Variants in ZFYVE16 observed in about 807,000 individuals in gnomAD.
ZFYVE16 encodes the protein zinc finger FYVE-type containing 16.
Under a neutral mutation model 138.1 loss-of-function variants are expected in ZFYVE16, and 89 were observed. The observed-to-expected ratio is 0.64, with a 90% confidence interval of 0.54 to 0.77. The LOEUF is 0.77. ZFYVE16 is among the 30% of genes least tolerant of loss of function. ZFYVE16 has a pLI of 0.00. For missense variants in ZFYVE16, 1,793 were observed against 1,786.7 expected (o/e 1.00, Z -0.06); for synonymous variants, 596 against 618.3 (o/e 0.96, Z 0.53).
rs1439253941 is a variant in ZFYVE16 at position 80,481,295 on chromosome 5, A to G, written c.*3918A>G. Among the ~76,000 whole-genome samples, 1 of 152,240 alleles carries G rather than the reference A, an allele frequency of 6.6e-6. No individual in the cohort carries two copies. The highest frequency in any genetic ancestry group is 6.5e-5 in the Admixed American group (1 of 15,286). Reference sequence around the variant, plus strand: ...AGCCAAAAACCAAGAATGGGGTTCTAGAAACCAGAGTATAGGTAAGATCAC... The same window carrying G: ...AGCCAAAAACCAAGAATGGGGTTCTGGAAACCAGAGTATAGGTAAGATCAC... On this transcript the variant is annotated 3_prime_UTR_variant, in exon 19 of 19. Transcript: ENST00000505560.
At chr5:80,443,047 ATATT>A in intron 5 of ZFYVE16, 72 bp from the exon 6 acceptor site, 1 of 1,334,674 alleles carries the variant, frequency 7.5e-7, no homozygotes, top group Non-Finnish European at 1.0e-6. Flanking sequence ...GAAAAATAGA[ATATT>A]TATTGTAATT....
At chr5:80,432,651 C>G (rs1022094222) in intron 2 of ZFYVE16, among the ~76,000 whole-genome samples, 8 of 152,124 alleles carry the variant, frequency 5.3e-5, no homozygotes, top group Non-Finnish European at 1.2e-4. Context: ...GAACAGGCAA[C>G]CTACAGAATG....
chr5:80,413,582 G>C (rs1330843366), intron 1 of ZFYVE16, among the ~76,000 whole-genome samples: 1 of 151,938 alleles, frequency 6.6e-6, no homozygotes. Context: ...AGTGCTTTCT[G>C]TCTGAATCAC....
At position 80,479,389 on chromosome 5, in the gene ZFYVE16, C is replaced by T. The variant is rs1304551606; in HGVS notation, c.*2012C>T. 6.6e-6 allele frequency: 1 copy of T among 152,138 alleles called. No individual in the cohort carries two copies. The highest frequency in any genetic ancestry group is 1.9e-4 in the East Asian group (1 of 5,196). The allele number at this position is 152,138 out of a possible 1,614,324, so 9.4% of individuals were successfully genotyped here. On this transcript the variant is annotated 3_prime_UTR_variant, in exon 19 of 19. Coordinates refer to ENST00000505560, the MANE Select transcript of ZFYVE16 (RefSeq NM_001284236.3). Reference sequence around the variant, plus strand: ...CAAACTTTGTGTGTTCGTATACTTGCTACATGCAGAGCACTTTACCAGGTT... The same window carrying T: ...CAAACTTTGTGTGTTCGTATACTTGTTACATGCAGAGCACTTTACCAGGTT...
chr5:80,408,788 C>T (rs1191046054), intron 1 of ZFYVE16, among the ~76,000 whole-genome samples: 1 of 152,182 alleles, frequency 6.6e-6, no homozygotes, highest in East Asian at 1.9e-4. Context: ...TAAGGATGTT[C>T]TTTCTTATTA....
chr5:80,435,872 G>A (rs1299340679), intron 3 of ZFYVE16: 1 of 207,680 alleles, frequency 4.8e-6, no homozygotes. Context: ...ACCATTCCTG[G>A]CCACAACTAA....
chr5:80,454,780 G>A (rs1369384919), intron 11 of ZFYVE16: 3 of 152,254 alleles, frequency 2.0e-5, no homozygotes, highest in Non-Finnish European at 4.4e-5. Context: ...AAAGTGCTGG[G>A]ATGACAGGCG....
Position 80,437,977 on chromosome 5 carries a change from A to C in ZFYVE16, c.1292A>C (p.Asn431Thr), listed in dbSNP as rs199720600. 4 of 1,613,932 alleles carry C rather than the reference A, an allele frequency of 2.5e-6. No individual in the cohort carries two copies. The Admixed American group carries it at 5.0e-5, about 20-fold the overall frequency. ...VVLGGEPFKENDLLKQEKCKS... is the reference protein window; with the variant it reads ...VVLGGEPFKETDLLKQEKCKS... ...CTAGGTGGGGAACCATTCAAAGAGA[A>C]TGATCTTTTGAAACAGGAAAAATGT... The change falls in exon 4 of 19, where the codon AAT becomes ACT. Residue 431 changes from asparagine to threonine, a missense_variant. Physicochemically the swap from Asn to Thr is moderately conservative, Grantham distance 65. Coordinates refer to ENST00000505560, the MANE Select transcript of ZFYVE16 (RefSeq NM_001284236.3).
At chr5:80,449,755 G>T in intron 9 of ZFYVE16, 42 bp downstream of exon 9, 1 of 1,535,700 alleles carries the variant, frequency 6.5e-7, no homozygotes. Context: ...TGGTAAGCAG[G>T]ATTTCTGAAT....
chr5:80,470,099 G>GTGTGTA lies in ZFYVE16; in HGVS notation c.4025-2661_4025-2660insGTGTAT, dbSNP rs1327173079. 7.4e-3 allele frequency among the ~76,000 whole-genome samples: 902 copies of GTGTGTA among 121,118 alleles called. 17 individuals carry two copies. Among genetic ancestry groups the GTGTGTA allele is most frequent in the African/African-American group, 0.028 (836 of 29,430 alleles). The allele number at this position is 121,118 out of a possible 152,430, so 79.5% of individuals were successfully genotyped here. A position where few individuals can be genotyped will look rare whatever the true frequency, so the allele number is the denominator to read the frequency against. ...TGTGTGTGTGTGTGTGTGTGTGTGTGTATTTTTTTTTTTTTTTTTTGAGAC... is the reference window on the plus strand; with the variant it reads ...TGTGTGTGTGTGTGTGTGTGTGTGTGTGTGTATATTTTTTTTTTTTTTTTTTGAGAC... On this transcript the variant is annotated intron_variant, in intron 15 of 18. Transcript: ENST00000505560.
chr5:80,445,376 T>C lies in ZFYVE16; in HGVS notation c.2695T>C (p.Phe899Leu), dbSNP rs1751197923. 4.3e-6 allele frequency: 7 copies of C among 1,613,876 alleles called. No individual in the cohort carries two copies. The highest frequency in any genetic ancestry group is 5.9e-6 in the Non-Finnish European group (7 of 1,179,900). The change falls in exon 7 of 19, where the codon TTT becomes CTT. Residue 899 changes from phenylalanine to leucine, a missense_variant. Coordinates refer to ENST00000505560, the MANE Select transcript of ZFYVE16 (RefSeq NM_001284236.3). ...SSGSKRCSED[F>L]SPLSPDVPMT... The stretch of plus-strand genomic sequence containing the variant: ...TGGAAGTAAAAGATGTTCTGAAGAC[T>C]TTAGTCCTCTCTCACCTGATGTGCC...
At chr5:80,453,136 AAGAG>A (rs1157711544) in intron 11 of ZFYVE16, among the ~76,000 whole-genome samples, 6 of 152,288 alleles carry the variant, frequency 3.9e-5, no homozygotes, top group African/African-American at 9.6e-5. Flanking sequence ...AATTGAGAGA[AAGAG>A]AGAATCTATT....
intron 10 of ZFYVE16, among the ~76,000 whole-genome samples, chr5:80,451,047 A>C (rs1034589033): frequency 6.6e-6 from 1 of 152,084 alleles, no homozygotes. Flanking sequence ...TCTGACCTCA[A>C]GTGATCCGCC....
chr5:80,451,942 C>T (rs1752027567), intron 11 of ZFYVE16: 1 of 438,808 alleles, frequency 2.3e-6, no homozygotes, highest in Non-Finnish European at 4.0e-6. Flanking sequence ...AACTTTTCTT[C>T]TTAAATTTCA....
At chr5:80,441,579 G>T (rs1410329702) in intron 5 of ZFYVE16, 12 of 985,060 alleles carry the variant, frequency 1.2e-5, no homozygotes, top group South Asian at 4.7e-5. Flanking sequence ...CGGTTCATGG[G>T]TTGTGAGACA....
intron 18 of ZFYVE16, among the ~76,000 whole-genome samples, chr5:80,475,051 A>G (rs1344953766): frequency 1.3e-5 from 2 of 152,226 alleles, no homozygotes. Context: ...CATTGTAGGC[A>G]GTATGGTTTC....
chr5:80,442,009 A>T (rs1750762201), intron 5 of ZFYVE16: 1 of 771,792 alleles, frequency 1.3e-6, no homozygotes, highest in South Asian at 5.8e-5. Flanking sequence ...GTAGAGATGG[A>T]TAGTAAACAA....
intron 15 of ZFYVE16, among the ~76,000 whole-genome samples, chr5:80,465,396 C>CTTTGTTTTTTTTTTTTGTTTTTTTTT (rs1753593998): frequency 3.8e-5 from 1 of 26,380 alleles, no homozygotes; most frequent in Non-Finnish European, 1.0e-4. Flanking sequence ...TTTTCCTTTT[C>CTTTGTTTTTTTTTTTTGTTTTTTTTT]TTTGTTTTTT....
At chr5:80,471,702 T>C (rs1401528473) in intron 15 of ZFYVE16, among the ~76,000 whole-genome samples, 2 of 152,254 alleles carry the variant, frequency 1.3e-5, no homozygotes, top group Admixed American at 1.3e-4. Context: ...CATTGTGGGC[T>C]GCTGGCCAGA....
Sources: allele counts gnomAD v4.1 joint callset (sites outside exome capture counted in the v4.1 genomes callset), GRCh38; gene constraint gnomAD v4.1.1; transcripts MANE v1.5; gene names NCBI Gene and HGNC (gene_info 2026-07-23, HGNC 2026-07-21).